TAFA1: variants seen among roughly 807,000 people sequenced by gnomAD.
The protein encoded by TAFA1 is chemokine-like protein TAFA-1.
TAFA1 carries 4 observed loss-of-function variants against 18.5 expected under a neutral mutation model. That is an observed-to-expected ratio of 0.22 (90% confidence interval 0.11 to 0.49). The LOEUF is 0.49. TAFA1 is among the 20% of genes least tolerant of loss of function. The pLI is 0.98. For missense variants in TAFA1, 147 were observed against 169.0 expected, an observed-to-expected ratio of 0.87 and a Z score of 0.72; for synonymous variants, 56 against 55.2, an observed-to-expected ratio of 1.01 and a Z score of -0.06.
intron 3 of TAFA1, among the ~76,000 whole-genome samples, chr3:68,432,423 C>T (rs576166467): frequency 3.3e-5 from 5 of 152,118 alleles, no homozygotes; most frequent in African/African-American, 9.6e-5. Context: ...CAATAATGCA[C>T]TCAGAAAATA....
chr3:68,019,762 A>G (rs1191421751), intron 2 of TAFA1, among the ~76,000 whole-genome samples: 1 of 152,184 alleles, frequency 6.6e-6, no homozygotes, highest in African/African-American at 2.4e-5. Flanking sequence ...CATCATCAAA[A>G]ACAAACAACA....
At chr3:68,444,866 G>A (rs368511915) in intron 3 of TAFA1, among the ~76,000 whole-genome samples, 5 of 148,912 alleles carry the variant, frequency 3.4e-5, no homozygotes, top group Non-Finnish European at 4.4e-5. Flanking sequence ...CAGCTTCTCC[G>A]TTTATAACTT....
chr3:68,006,463 C>A, intron 1 of TAFA1, 161 bp from the exon 2 acceptor site: 1 of 585,322 alleles, frequency 1.7e-6, no homozygotes. Context: ...GGCTTTCTCT[C>A]AATCCCACTT....
intron 2 of TAFA1, among the ~76,000 whole-genome samples, chr3:68,267,804 G>C (rs1305243961): frequency 6.6e-6 from 1 of 151,550 alleles, no homozygotes; most frequent in Admixed American, 6.6e-5. Context: ...TTCTTTTCCT[G>C]TAAGCACATT....
chr3:68,469,583 G>A, intron 3 of TAFA1, among the ~76,000 whole-genome samples: 1 of 152,164 alleles, frequency 6.6e-6, no homozygotes, highest in Non-Finnish European at 1.5e-5. Flanking sequence ...TGAGGCAGGA[G>A]AATGGCGTGA....
At position 68,544,871 on chromosome 3, in the gene TAFA1, C is replaced by G. The variant is rs905367525; in HGVS notation, c.*368C>G. 6.6e-6 allele frequency: 1 copy of G among 152,220 alleles called. No homozygotes were observed. Among genetic ancestry groups the G allele is most frequent in the Non-Finnish European group, 1.5e-5 (1 of 68,304 alleles). The allele number at this position is 152,220 out of a possible 1,614,324, so 9.4% of individuals were successfully genotyped here. A position where few individuals can be genotyped will look rare whatever the true frequency, so the allele number is the denominator to read the frequency against. On this transcript the variant is annotated 3_prime_UTR_variant, in exon 5 of 5. Transcript: ENST00000478136. ...TATTCTCTTCAAGAAATGAACAGTACCACAGTTTGAGACGGCTGGTGTACC... is the reference window on the plus strand; with the variant it reads ...TATTCTCTTCAAGAAATGAACAGTAGCACAGTTTGAGACGGCTGGTGTACC...
intron 2 of TAFA1, among the ~76,000 whole-genome samples, chr3:68,043,867 T>C (rs1216152558): frequency 6.6e-6 from 1 of 152,194 alleles, no homozygotes; most frequent in Non-Finnish European, 1.5e-5. Flanking sequence ...TATTATACCT[T>C]AATTTCTAGG....
At chr3:68,526,941 A>G (rs1223358268) in intron 3 of TAFA1, among the ~76,000 whole-genome samples, 1 of 152,196 alleles carries the variant, frequency 6.6e-6, no homozygotes. Flanking sequence ...GCAAATTACT[A>G]TCCACTGTAA....
chr3:68,186,746 G>A (rs80347322), intron 2 of TAFA1, among the ~76,000 whole-genome samples: 6,775 of 151,988 alleles, frequency 0.045, 480 homozygotes, highest in African/African-American at 0.15. Context: ...TTCATTCATC[G>A]AACATTGGTG....
At chr3:68,500,607 T>A (rs1297076082) in intron 3 of TAFA1, among the ~76,000 whole-genome samples, 1 of 152,104 alleles carries the variant, frequency 6.6e-6, no homozygotes, top group Non-Finnish European at 1.5e-5. Flanking sequence ...TGTTTATATA[T>A]CATCTATGCT....
chr3:68,425,675 G>T (rs758087152), intron 3 of TAFA1, among the ~76,000 whole-genome samples: 8 of 151,884 alleles, frequency 5.3e-5, no homozygotes, highest in Non-Finnish European at 1.2e-4. Context: ...AGGTGTCTAC[G>T]TTTGTTCCTC....
At chr3:68,111,338 A>G (rs185502494) in intron 2 of TAFA1, among the ~76,000 whole-genome samples, 87 of 152,284 alleles carry the variant, frequency 5.7e-4, no homozygotes, top group Admixed American at 2.9e-3. Context: ...TTCCATGCCC[A>G]ATAATAATAA....
At chr3:68,509,601 CTT>C (rs2072815971) in intron 3 of TAFA1, among the ~76,000 whole-genome samples, 1 of 152,104 alleles carries the variant, frequency 6.6e-6, no homozygotes, top group Admixed American at 6.6e-5. Context: ...AAATGGAAGA[CTT>C]TTTGAAGCAT....
At chr3:68,076,935 G>C (rs1251899212) in intron 2 of TAFA1, among the ~76,000 whole-genome samples, 3 of 152,262 alleles carry the variant, frequency 2.0e-5, no homozygotes, top group East Asian at 3.9e-4. Context: ...CAGTGTAAAA[G>C]TGTTCCTATT....
intron 2 of TAFA1, among the ~76,000 whole-genome samples, chr3:68,234,575 C>G (rs932692978): frequency 1.3e-5 from 2 of 152,120 alleles, no homozygotes; most frequent in African/African-American, 4.8e-5. Context: ...TTTTCTATTT[C>G]CAAAAAGATT....
chr3:68,080,327 T>C (rs1575605781), intron 2 of TAFA1, among the ~76,000 whole-genome samples: 1 of 152,164 alleles, frequency 6.6e-6, no homozygotes, highest in Admixed American at 6.5e-5. Context: ...CAAGTTAATA[T>C]TGTTATGTGT....
chr3:68,332,383 CA>C (rs74702134), intron 2 of TAFA1, among the ~76,000 whole-genome samples: 3,642 of 150,142 alleles, frequency 0.024, 67 homozygotes, highest in East Asian at 0.097. Flanking sequence ...AAAGCACAGG[CA>C]AAAAAATAAA....
chr3:68,046,962 C>G (rs2064396795), intron 2 of TAFA1, among the ~76,000 whole-genome samples: 1 of 152,136 alleles, frequency 6.6e-6, no homozygotes, highest in Non-Finnish European at 1.5e-5. Flanking sequence ...CCTCTTGCAT[C>G]AGAAGTTGTT....
chr3:68,355,196 C>A (rs1259100754), intron 2 of TAFA1, among the ~76,000 whole-genome samples: 1 of 151,924 alleles, frequency 6.6e-6, no homozygotes, highest in African/African-American at 2.4e-5. Context: ...CCCTCTCTTA[C>A]TGAGGGTAAG....
Sources: gnomAD v4.1 joint callset for allele counts (sites outside exome capture counted in the v4.1 genomes callset) on GRCh38, gnomAD v4.1.1 for gene constraint, MANE v1.5 for transcripts, NCBI Gene and HGNC (gene_info 2026-07-23, HGNC 2026-07-21) for gene names.